Variants in SHISA9 observed in about 807,000 individuals in gnomAD.
SHISA9 encodes the protein shisa family member 9.
SHISA9 carries 13 observed loss-of-function variants against 38.0 expected under a neutral mutation model. The ratio of observed to expected loss-of-function variants is 0.34; its 90% CI spans 0.22 to 0.54. The LOEUF (loss-of-function observed/expected upper bound fraction) is 0.54. SHISA9 is among the 20% of genes least tolerant of loss of function. SHISA9 has a pLI of 0.91. For synonymous variants in SHISA9, 275 were observed against 242.0 expected, an observed-to-expected ratio of 1.14 and a Z score of -1.27; for missense variants, 538 against 575.8, an observed-to-expected ratio of 0.93 and a Z score of 0.67.
chr16:13,537,220 G>A, the SHISA9 span, among the ~76,000 whole-genome samples: 1 of 152,100 alleles, frequency 6.6e-6, no homozygotes, highest in African/African-American at 2.4e-5. Context: ...TTGAGGTCAG[G>A]AGTTGAAGAC....
chr16:13,243,238 C>T (rs1276828489), downstream of SHISA9, among the ~76,000 whole-genome samples: 3 of 146,158 alleles, frequency 2.1e-5, no homozygotes, highest in Non-Finnish European at 4.5e-5. Flanking sequence ...GAGACTCTGT[C>T]TCAAAAAAAA....
In SHISA9 at chr16:12,929,885, A is replaced by G. The variant is rs997725172; in HGVS notation, c.691+13070A>G. 9.2e-5 allele frequency among the ~76,000 whole-genome samples: 14 copies of G among 152,302 alleles called. No individual in the cohort carries two copies. In the East Asian group the frequency reaches 2.7e-3, roughly 29 times the overall value. Reference sequence around the variant, plus strand: ...ACATACGCTCTTCCCTCTGCCTGCAACAAGCTTCCTCCAGATCTTTGCAAT... The same window carrying G: ...ACATACGCTCTTCCCTCTGCCTGCAGCAAGCTTCCTCCAGATCTTTGCAAT... On this transcript the variant is annotated intron_variant, in intron 2 of 4. Coordinates refer to ENST00000558583, the MANE Select transcript of SHISA9 (RefSeq NM_001145204.3).
At chr16:13,320,856 A>T in the SHISA9 span, among the ~76,000 whole-genome samples, 1 of 152,216 alleles carries the variant, frequency 6.6e-6, no homozygotes, top group Non-Finnish European at 1.5e-5. Context: ...GTCACCATTT[A>T]TACAACAAGA....
chr16:13,288,718 G>A, the SHISA9 span, among the ~76,000 whole-genome samples: 7 of 151,086 alleles, frequency 4.6e-5, no homozygotes, highest in East Asian at 1.2e-3. Context: ...TTGAACCCAG[G>A]AGGCAGAGAT....
At chr16:12,935,863 A>AAC (rs1268642385) in intron 2 of SHISA9, among the ~76,000 whole-genome samples, 7 of 151,168 alleles carry the variant, frequency 4.6e-5, no homozygotes, top group African/African-American at 1.5e-4. Context: ...AGAAAAAAAA[A>AAC]AAAAAGAAGG....
chr16:13,243,833 C>T (rs770971082), downstream of SHISA9, among the ~76,000 whole-genome samples: 35 of 129,652 alleles, frequency 2.7e-4, no homozygotes, highest in Non-Finnish European at 4.2e-4. Flanking sequence ...AGTGCAGTGG[C>T]GCAATCTTAG....
At chr16:12,960,234 T>G (rs923419146) in intron 2 of SHISA9, among the ~76,000 whole-genome samples, 1 of 152,250 alleles carries the variant, frequency 6.6e-6, no homozygotes, top group African/African-American at 2.4e-5. Flanking sequence ...TCCGTCACAA[T>G]GTCTAGCGTA....
chr16:13,008,727 C>T (rs560606572), intron 2 of SHISA9, among the ~76,000 whole-genome samples: 1 of 144,932 alleles, frequency 6.9e-6, no homozygotes, highest in Non-Finnish European at 1.5e-5. Flanking sequence ...GCCTTGCTTC[C>T]CCTTTACCTT....
chr16:13,533,292 C>A, the SHISA9 span, among the ~76,000 whole-genome samples: 2 of 152,178 alleles, frequency 1.3e-5, no homozygotes, highest in African/African-American at 4.8e-5. Context: ...AGGCAAGCCA[C>A]GTCTAGATTA....
chr16:13,060,922 A>G (rs2073367808), intron 2 of SHISA9, among the ~76,000 whole-genome samples: 2 of 152,274 alleles, frequency 1.3e-5, no homozygotes. Context: ...TTCCTAGTCC[A>G]AAAAGACTGA....
At chr16:13,320,949 C>T in the SHISA9 span, among the ~76,000 whole-genome samples, 1 of 152,204 alleles carries the variant, frequency 6.6e-6, no homozygotes, top group Non-Finnish European at 1.5e-5. Context: ...GTCTGCAATG[C>T]TGTAAACCTT....
At chr16:13,082,780 G>A (rs1380065266) in intron 2 of SHISA9, among the ~76,000 whole-genome samples, 1 of 152,138 alleles carries the variant, frequency 6.6e-6, no homozygotes, top group African/African-American at 2.4e-5. Context: ...ATGTGTGGGT[G>A]GGGGGCTGAA....
chr16:13,079,354 T>C (rs2073621248), intron 2 of SHISA9, among the ~76,000 whole-genome samples: 2 of 152,222 alleles, frequency 1.3e-5, no homozygotes, highest in African/African-American at 4.8e-5. Flanking sequence ...ATAATGCAGG[T>C]AAAGTTCTTA....
At chr16:13,253,226 T>G in the SHISA9 span, among the ~76,000 whole-genome samples, 1 of 152,324 alleles carries the variant, frequency 6.6e-6, no homozygotes, top group South Asian at 2.1e-4. Context: ...ACTAGTTAAA[T>G]TTTGGAATAG....
intron 2 of SHISA9, among the ~76,000 whole-genome samples, chr16:13,028,225 C>G (rs542384300): frequency 6.6e-6 from 1 of 151,978 alleles, no homozygotes; most frequent in East Asian, 1.9e-4. Flanking sequence ...CTTCAATAAA[C>G]GTTATTTAAG....
At chr16:13,227,020 C>A (rs760804142) in intron 4 of SHISA9, among the ~76,000 whole-genome samples, 2 of 152,168 alleles carry the variant, frequency 1.3e-5, no homozygotes, top group African/African-American at 4.8e-5. Context: ...TATTCCCTCA[C>A]GTGGGTTGCT....
intron 2 of SHISA9, among the ~76,000 whole-genome samples, chr16:13,010,245 G>T (rs1002523170): frequency 2.0e-5 from 3 of 152,078 alleles, no homozygotes; most frequent in African/African-American, 4.8e-5. Flanking sequence ...TTAAATACTG[G>T]AATAAATTAA....
At chr16:13,558,562 T>C in the SHISA9 span, among the ~76,000 whole-genome samples, 1 of 152,196 alleles carries the variant, frequency 6.6e-6, no homozygotes, top group Admixed American at 6.5e-5. Context: ...TTATGTAACA[T>C]ATACTGATTC....
At chr16:12,907,238 C>T (rs2071113269) in intron 1 of SHISA9, among the ~76,000 whole-genome samples, 1 of 129,288 alleles carries the variant, frequency 7.7e-6, no homozygotes, top group Non-Finnish European at 1.6e-5. Context: ...CCTTTCTTTC[C>T]TCTCTTCCCT....
Sources: gnomAD v4.1 joint callset for allele counts (sites outside exome capture counted in the v4.1 genomes callset) on GRCh38, gnomAD v4.1.1 for gene constraint, MANE v1.5 for transcripts, NCBI Gene and HGNC (gene_info 2026-07-23, HGNC 2026-07-21) for gene names.